Variants in BNC2 observed in about 807,000 individuals in gnomAD.
The protein encoded by BNC2 is zinc finger protein basonuclin-2.
BNC2 carries 20 observed loss-of-function variants against 76.3 expected under a neutral mutation model. That is an observed-to-expected ratio of 0.26 (90% CI 0.18 to 0.38). The LOEUF is 0.38. Among genes scored for constraint, BNC2 ranks in the 10% least tolerant of loss-of-function variants. The pLI is 1.00. For synonymous variants in BNC2, 582 were observed against 514.8 expected (o/e 1.13, Z -1.77); for missense variants, 1,382 against 1,399.8 (o/e 0.99, Z 0.20).
At chr9:16,751,315 G>C (rs1825187661) in intron 1 of BNC2, among the ~76,000 whole-genome samples, 1 of 150,310 alleles carries the variant, frequency 6.7e-6, no homozygotes, top group Non-Finnish European at 1.5e-5. Flanking sequence ...TACTGGATGA[G>C]TAAATGTAAA....
intron 1 of BNC2, among the ~76,000 whole-genome samples, chr9:16,749,412 GT>G (rs1207975953): frequency 6.6e-6 from 1 of 152,154 alleles, no homozygotes; most frequent in Non-Finnish European, 1.5e-5. Context: ...TTCCAAATGG[GT>G]GGGGGAAGCA....
rs1330714901 is a variant in BNC2, at chr9:16,582,977, C to T, written c.433+6G>A. On this transcript the variant is annotated splice_donor_region_variant and intron_variant, in intron 4 of 6. Coordinates refer to ENST00000380672, the MANE Select transcript of BNC2 (RefSeq NM_017637.6). ...GAACGGGAAGAAAAGCCCAGATTTT[C>T]CTCACCATGTGCCACCCAGCCATGT... The T allele has an allele frequency of 6.2e-7, 1 of 1,608,912 alleles. No homozygotes were observed. The highest frequency in any genetic ancestry group is 1.1e-5 in the South Asian group (1 of 90,998).
chr9:16,447,782 G>A (rs923660120), intron 5 of BNC2, among the ~76,000 whole-genome samples: 2 of 152,074 alleles, frequency 1.3e-5, no homozygotes, highest in African/African-American at 4.8e-5. Flanking sequence ...TCTGCAACTT[G>A]AAGGTACAAA....
At chr9:16,533,188 C>G (rs1340807146) in intron 5 of BNC2, among the ~76,000 whole-genome samples, 1 of 152,076 alleles carries the variant, frequency 6.6e-6, no homozygotes, top group African/African-American at 2.4e-5. Context: ...TAAAACATAA[C>G]ATGGAGCATG....
chr9:16,451,844 A>C (rs1821346928), intron 5 of BNC2, among the ~76,000 whole-genome samples: 1 of 152,188 alleles, frequency 6.6e-6, no homozygotes. Context: ...TGATATCCCC[A>C]CTGCCAAGAA....
At chr9:16,452,610 A>G (rs1158886634) in intron 5 of BNC2, among the ~76,000 whole-genome samples, 1 of 152,082 alleles carries the variant, frequency 6.6e-6, no homozygotes, top group Non-Finnish European at 1.5e-5. Flanking sequence ...GGGTTTCACC[A>G]TGTTGACCAG....
At chr9:16,664,509 G>T (rs1260480547) in intron 3 of BNC2, among the ~76,000 whole-genome samples, 1 of 152,024 alleles carries the variant, frequency 6.6e-6, no homozygotes, top group Non-Finnish European at 1.5e-5. Flanking sequence ...GACTGTCTGG[G>T]GACACTGAAG....
At chr9:16,511,420 CTT>C (rs758039548) in intron 5 of BNC2, among the ~76,000 whole-genome samples, 4 of 69,492 alleles carry the variant, frequency 5.8e-5, no homozygotes, top group East Asian at 3.9e-4. Flanking sequence ...AATAAATTTA[CTT>C]TTTTTTTTTT....
intron 1 of BNC2, among the ~76,000 whole-genome samples, chr9:16,851,853 C>T (rs1321455975): frequency 1.3e-5 from 2 of 152,186 alleles, no homozygotes; most frequent in Non-Finnish European, 1.5e-5. Context: ...ACATACTTCT[C>T]ACACATATGT....
chr9:16,516,360 T>C (rs192451300), intron 5 of BNC2, among the ~76,000 whole-genome samples: 301 of 151,490 alleles, frequency 2.0e-3, no homozygotes, highest in African/African-American at 7.1e-3. Flanking sequence ...CCAATGATTA[T>C]GCGGAAACTT....
At chr9:16,688,711 G>A (rs550455718) in intron 3 of BNC2, among the ~76,000 whole-genome samples, 6 of 152,230 alleles carry the variant, frequency 3.9e-5, no homozygotes, top group East Asian at 3.9e-4. Context: ...AAAAAATGGT[G>A]AACTGTTCAG....
chr9:16,517,853 A>G (rs1264617768), intron 5 of BNC2, among the ~76,000 whole-genome samples: 1 of 152,128 alleles, frequency 6.6e-6, no homozygotes, highest in Non-Finnish European at 1.5e-5. Context: ...GAGTTTTCTA[A>G]GATGATTAAT....
At chr9:16,843,153 G>A (rs1024184768) in intron 1 of BNC2, among the ~76,000 whole-genome samples, 2 of 152,116 alleles carry the variant, frequency 1.3e-5, no homozygotes, top group African/African-American at 2.4e-5. Context: ...GACTGATGGA[G>A]AGATAGATGA....
intron 3 of BNC2, among the ~76,000 whole-genome samples, chr9:16,629,234 C>T (rs186871573): frequency 6.0e-4 from 92 of 152,244 alleles, no homozygotes; most frequent in Non-Finnish European, 8.5e-4. Flanking sequence ...CTTGATTCGG[C>T]AATAATCTAA....
At chr9:16,835,131 T>C (rs759691054) in intron 1 of BNC2, among the ~76,000 whole-genome samples, 1 of 152,176 alleles carries the variant, frequency 6.6e-6, no homozygotes, top group Admixed American at 6.5e-5. Flanking sequence ...TCCACACAAA[T>C]AGAGAAACAA....
intron 3 of BNC2, among the ~76,000 whole-genome samples, chr9:16,619,114 A>G (rs1231510080): frequency 6.6e-6 from 1 of 152,190 alleles, no homozygotes; most frequent in Non-Finnish European, 1.5e-5. Flanking sequence ...AGAGGGAAAG[A>G]GAATAATTCA....
intron 3 of BNC2, among the ~76,000 whole-genome samples, chr9:16,587,300 A>G (rs966695230): frequency 6.6e-6 from 1 of 151,580 alleles, no homozygotes; most frequent in African/African-American, 2.4e-5. Flanking sequence ...TGCAGCCTCA[A>G]CCTTTCAGGT....
chr9:16,449,980 T>A (rs1049438919), intron 5 of BNC2, among the ~76,000 whole-genome samples: 1 of 152,172 alleles, frequency 6.6e-6, no homozygotes, highest in Non-Finnish European at 1.5e-5. Context: ...GGGTTAGGTA[T>A]AAGCCACACT....
intron 1 of BNC2, among the ~76,000 whole-genome samples, chr9:16,845,443 CG>C (rs1554750290): frequency 2.6e-5 from 4 of 152,100 alleles, no homozygotes; most frequent in Non-Finnish European, 5.9e-5. Context: ...GAAAATTGGC[CG>C]GGCGCGGTGG....
Sources: gnomAD v4.1 joint callset for allele counts (sites outside exome capture counted in the v4.1 genomes callset) on GRCh38, gnomAD v4.1.1 for gene constraint, MANE v1.5 for transcripts, NCBI Gene and HGNC (gene_info 2026-07-23, HGNC 2026-07-21) for gene names.